The following ZC3H12B variants were observed in gnomAD, a reference collection of about 807,000 sequenced individuals.
The protein encoded by ZC3H12B is probable ribonuclease ZC3H12B.
Under a neutral mutation model 43.9 loss-of-function variants are expected in ZC3H12B, and 7 were observed. The observed-to-expected ratio is 0.16, with a 90% confidence interval of 0.09 to 0.30. ZC3H12B has a LOEUF of 0.30. Among genes scored for constraint, ZC3H12B ranks in the 10% least tolerant of loss-of-function variants. The pLI is 1.00. For missense variants in ZC3H12B, 475 were observed against 670.2 expected (o/e 0.71, Z 3.22); for synonymous variants, 222 against 241.7 (o/e 0.92, Z 0.76).
chrX:65,326,505 A>T, the ZC3H12B span, among the ~76,000 whole-genome samples: 1 of 110,396 alleles, frequency 9.1e-6, no homozygotes, highest in African/African-American at 3.3e-5. Flanking sequence ...CAGGCCAGGA[A>T]TAGTATAGGG....
chrX:65,102,401 A>T, the ZC3H12B span, among the ~76,000 whole-genome samples: 2 of 111,967 alleles, frequency 1.8e-5, no homozygotes, highest in Admixed American at 1.9e-4. Flanking sequence ...CAGGCAAGAG[A>T]AAGAAATAAA....
the ZC3H12B span, among the ~76,000 whole-genome samples, chrX:65,266,422 A>C: frequency 1.2e-4 from 13 of 112,151 alleles, no homozygotes; most frequent in Non-Finnish European, 2.3e-4. Context: ...ACATCACTGG[A>C]AATAGCAAAT....
chrX:65,079,802 C>G, the ZC3H12B span, among the ~76,000 whole-genome samples: 1 of 111,151 alleles, frequency 9.0e-6, no homozygotes, highest in Admixed American at 9.6e-5. Context: ...CTTAACTCTT[C>G]AATACCCAGA....
chrX:65,171,198 G>A, the ZC3H12B span, among the ~76,000 whole-genome samples: 3 of 110,852 alleles, frequency 2.7e-5, no homozygotes, highest in African/African-American at 9.8e-5. Flanking sequence ...CTTTGATGAT[G>A]GTGAAGTACA....
chrX:65,176,906 G>A, the ZC3H12B span, among the ~76,000 whole-genome samples: 1 of 111,610 alleles, frequency 9.0e-6, no homozygotes, highest in African/African-American at 3.3e-5. Flanking sequence ...AGAAAAGGAG[G>A]GACTCCTCCA....
chrX:65,144,499 T>C, the ZC3H12B span, among the ~76,000 whole-genome samples: 1,268 of 111,826 alleles, frequency 0.011, 7 homozygotes, highest in South Asian at 0.035. Context: ...GTTATTTCCT[T>C]TCTTTTGCTG....
the ZC3H12B span, among the ~76,000 whole-genome samples, chrX:65,241,772 G>C: frequency 8.9e-6 from 1 of 111,812 alleles, no homozygotes; most frequent in Non-Finnish European, 1.9e-5. Context: ...CAATCTAGTG[G>C]TTCTTAACTT....
At chrX:65,143,524 A>G in the ZC3H12B span, among the ~76,000 whole-genome samples, 1 of 106,253 alleles carries the variant, frequency 9.4e-6, no homozygotes, top group East Asian at 2.9e-4. Context: ...CCATCCCTGC[A>G]TCTCTGGTGT....
At chrX:65,262,644 CACA>C in the ZC3H12B span, among the ~76,000 whole-genome samples, 1 of 110,120 alleles carries the variant, frequency 9.1e-6, no homozygotes, top group Non-Finnish European at 1.9e-5. Context: ...ATCTAATTCT[CACA>C]ACATTGGAAT....
At chrX:65,247,551 G>A in the ZC3H12B span, among the ~76,000 whole-genome samples, 120 of 112,944 alleles carry the variant, frequency 1.1e-3, no homozygotes, top group Middle Eastern at 4.6e-3. Flanking sequence ...GGAACACTAT[G>A]AAGCTGTAAA....
At chrX:65,077,923 A>G in the ZC3H12B span, among the ~76,000 whole-genome samples, 12,356 of 111,394 alleles carry the variant, frequency 0.11, 1,650 homozygotes, top group African/African-American at 0.37. Flanking sequence ...CTGTTCAGTA[A>G]TTTCCAGAGT....
the ZC3H12B span, among the ~76,000 whole-genome samples, chrX:65,200,905 G>A: frequency 1.8e-5 from 2 of 111,584 alleles, no homozygotes; most frequent in Admixed American, 9.5e-5. Flanking sequence ...TGATCGTGGT[G>A]GCTAAGCATT....
chrX:65,171,369 C>T, the ZC3H12B span, among the ~76,000 whole-genome samples: 21 of 110,918 alleles, frequency 1.9e-4, no homozygotes, highest in Non-Finnish European at 3.4e-4. Context: ...TATTGCAGAA[C>T]GGCAAATAGT....
intron 1 of ZC3H12B, 36 bp from the exon 7 acceptor site, chrX:65,497,096 T>C (rs746877352): frequency 8.5e-7 from 1 of 1,170,111 alleles, no homozygotes; most frequent in Non-Finnish European, 1.1e-6. Context: ...CTATCTATTA[T>C]CAATCTTCTC....
intron 1 of ZC3H12B, 127 bp from the exon 7 acceptor site, chrX:65,497,005 G>T: frequency 4.3e-6 from 2 of 463,074 alleles, no homozygotes; most frequent in Non-Finnish European, 6.5e-6. Flanking sequence ...AAGAAAGAAA[G>T]AGAGAAAGAA....
the ZC3H12B span, among the ~76,000 whole-genome samples, chrX:65,141,862 C>T: frequency 9.0e-6 from 1 of 111,653 alleles, no homozygotes; most frequent in African/African-American, 3.3e-5. Flanking sequence ...TTTTCATGGC[C>T]AAGTAGTAGT....
chrX:65,195,478 T>C, the ZC3H12B span, among the ~76,000 whole-genome samples: 1 of 112,395 alleles, frequency 8.9e-6, no homozygotes, highest in Non-Finnish European at 1.9e-5. Context: ...CTTCATACCC[T>C]GCTTTTTAAC....
At chrX:65,160,420 T>G in the ZC3H12B span, among the ~76,000 whole-genome samples, 1 of 112,056 alleles carries the variant, frequency 8.9e-6, no homozygotes, top group East Asian at 2.8e-4. Flanking sequence ...AAGCTATTGA[T>G]TATTGCCACA....
chrX:65,264,772 GTCTGTGTACTT>G, the ZC3H12B span, among the ~76,000 whole-genome samples: 2 of 111,718 alleles, frequency 1.8e-5, no homozygotes, highest in Non-Finnish European at 3.8e-5. Flanking sequence ...AAGTCAAAAT[GTCTGTGTACTT>G]TCCACCATAG....
Sources: gnomAD v4.1 joint callset for allele counts (sites outside exome capture counted in the v4.1 genomes callset) on GRCh38, gnomAD v4.1.1 for gene constraint, MANE v1.5 for transcripts, NCBI Gene and HGNC (gene_info 2026-07-23, HGNC 2026-07-21) for gene names.